Variants in SIPA1L3 observed in about 807,000 individuals in gnomAD.
SIPA1L3 encodes the protein signal induced proliferation associated 1 like 3.
SIPA1L3 carries 59 observed loss-of-function variants against 150.1 expected under a neutral mutation model. That is an observed-to-expected ratio of 0.39 (90% CI 0.32 to 0.49). The LOEUF is 0.49. SIPA1L3 is among the 20% of genes least tolerant of loss of function. The pLI, the probability that SIPA1L3 is intolerant of heterozygous loss-of-function variation, is 0.86. For missense variants in SIPA1L3, 2,211 were observed against 2,489.5 expected (o/e 0.89, Z 2.38); for synonymous variants, 1,070 against 1,077.6 (o/e 0.99, Z 0.14).
At chr19:37,927,655 G>GTA (rs1491577641) in intron 1 of SIPA1L3, among the ~76,000 whole-genome samples, 1 of 7,462 alleles carries the variant, frequency 1.3e-4, no homozygotes, top group African/African-American at 6.0e-4. Flanking sequence ...AGAACATGGG[G>GTA]TGTGTGTGTG....
At chr19:38,194,371 C>A (rs1972874355) in intron 18 of SIPA1L3, among the ~76,000 whole-genome samples, 1 of 149,642 alleles carries the variant, frequency 6.7e-6, no homozygotes, top group Admixed American at 6.7e-5. Flanking sequence ...ACCTCCTAAC[C>A]CCCCCACAAC....
chr19:38,141,132 C>T, intron 10 of SIPA1L3, 52 bp from the exon 11 acceptor site: 1 of 1,518,940 alleles, frequency 6.6e-7, no homozygotes, highest in Non-Finnish European at 8.8e-7. Flanking sequence ...GACAGCAGGC[C>T]CACGTGTTGG....
rs1487110458 is a variant in SIPA1L3, at chr19:38,119,589, G to A, written c.2575G>A (p.Ala859Thr). 6.2e-7 allele frequency: 1 copy of A among 1,614,228 alleles called. No homozygotes were observed. Among genetic ancestry groups the A allele is most frequent in the Admixed American group, 1.7e-5 (1 of 60,020 alleles). ...CTCCAAGAAGAAGGAAAAGACAAAA[G>A]CACGGGCTGGCGCTGAGCAGCACAG... ...LTSKKKEKTK[A>T]RAGAEQHSAG... The change falls in exon 9 of 22, where the codon GCA becomes ACA. Residue 859 changes from alanine (A) to threonine (T), a missense_variant. Around this residue, in one of 5 missense-constraint regions of SIPA1L3, gnomAD observed 625 missense variants for 804.2 expected, o/e 0.78. Coordinates refer to ENST00000222345, the MANE Select transcript of SIPA1L3 (RefSeq NM_015073.3).
intron 1 of SIPA1L3, among the ~76,000 whole-genome samples, chr19:37,983,028 C>T (rs1967240180): frequency 6.6e-6 from 1 of 152,182 alleles, no homozygotes; most frequent in African/African-American, 2.4e-5. Flanking sequence ...GTTGAAATTG[C>T]CTTTTCATTT....
chr19:38,151,948 C>G lies in SIPA1L3; in HGVS notation c.3534-892C>G, dbSNP rs865973558. Among the ~76,000 whole-genome samples the G allele has an allele frequency of 1.8e-4, 19 of 103,474 alleles. No homozygotes were observed. The Admixed American group carries it at 2.5e-3, about 14-fold the overall frequency. 67.9% of individuals were successfully genotyped at this position (103,474 alleles called of 152,430 possible). ...CTGCACTCCAGCCTGGTTGACAGAG[C>G]AAGACCCCATCTCAAAAAAAAAAAA... On this transcript the variant is annotated intron_variant, in intron 12 of 21. Coordinates refer to ENST00000222345, the MANE Select transcript of SIPA1L3 (RefSeq NM_015073.3).
At chr19:38,096,017 A>G (rs1005298461) in intron 4 of SIPA1L3, among the ~76,000 whole-genome samples, 2 of 152,006 alleles carry the variant, frequency 1.3e-5, no homozygotes, top group Non-Finnish European at 2.9e-5. Context: ...GCTTTTCATG[A>G]TTGGTTTTGA....
chr19:38,099,307 G>T lies in SIPA1L3; in HGVS notation c.1666-655G>T, dbSNP rs1448328094. On this transcript the variant is annotated intron_variant, in intron 4 of 21. Coordinates refer to ENST00000222345, the MANE Select transcript of SIPA1L3 (RefSeq NM_015073.3). ...CACCTTGGCCTCCCCAAAGTGCTGGGGTTACAGGTGTGAGCCACCCACGCC... is the reference window on the plus strand; with the variant it reads ...CACCTTGGCCTCCCCAAAGTGCTGGTGTTACAGGTGTGAGCCACCCACGCC... 9.3e-5 allele frequency among the ~76,000 whole-genome samples: 14 copies of T among 151,214 alleles called. 1 individual carries two copies. Among genetic ancestry groups the T allele is most frequent in the Non-Finnish European group, 1.9e-4 (13 of 67,970 alleles).
chr19:38,110,837 C>T (rs2145877136), intron 8 of SIPA1L3, among the ~76,000 whole-genome samples: 1 of 152,112 alleles, frequency 6.6e-6, no homozygotes, highest in African/African-American at 2.4e-5. Flanking sequence ...AGAATTGGGG[C>T]TCACTGGCCC....
At chr19:38,197,346 C>A (rs950549697) in intron 18 of SIPA1L3, among the ~76,000 whole-genome samples, 1 of 152,118 alleles carries the variant, frequency 6.6e-6, no homozygotes, top group African/African-American at 2.4e-5. Context: ...GGCCAGAGCC[C>A]GAGCCTGGTG....
At position 38,092,573 on chromosome 19, in the gene SIPA1L3, A is replaced by G. The variant is rs181371106; in HGVS notation, c.1665+3722A>G. Among the ~76,000 whole-genome samples, 123 of 152,298 alleles carry G rather than the reference A, an allele frequency of 8.1e-4. 3 individuals are homozygous for G. The East Asian group carries it at 0.018, about 22-fold the overall frequency. On this transcript the variant is annotated intron_variant, in intron 4 of 21. Transcript: ENST00000222345. The stretch of plus-strand genomic sequence containing the variant: ...AACTAGCCGTGGGGGACTCTGATCC[A>G]TCCCTGATGACAGCACGGGGACTCT...
At chr19:38,152,811 C>A in intron 12 of SIPA1L3, 29 bp from the exon 13 acceptor site, 1 of 1,593,714 alleles carries the variant, frequency 6.3e-7, no homozygotes, top group Non-Finnish European at 8.6e-7. Flanking sequence ...GATCTTTAAC[C>A]CTGGGCACGT....
intron 1 of SIPA1L3, among the ~76,000 whole-genome samples, chr19:37,961,151 G>A (rs2046855092): frequency 6.6e-6 from 1 of 150,536 alleles, no homozygotes; most frequent in South Asian, 2.1e-4. Flanking sequence ...TTACAGGTGT[G>A]AGCCACCGTG....
chr19:38,185,903 G>A (rs1192998618), intron 16 of SIPA1L3: 1 of 152,146 alleles, frequency 6.6e-6, no homozygotes, highest in Non-Finnish European at 1.5e-5. Context: ...TGGGGCCCCA[G>A]TTCAACCCAT....
intron 2 of SIPA1L3, among the ~76,000 whole-genome samples, chr19:38,048,440 C>A (rs1969110345): frequency 6.6e-6 from 1 of 152,122 alleles, no homozygotes; most frequent in Non-Finnish European, 1.5e-5. Context: ...AGAGAACACA[C>A]CCCACTGATG....
At chr19:37,960,672 G>T (rs1416651913) in intron 1 of SIPA1L3, among the ~76,000 whole-genome samples, 2 of 151,726 alleles carry the variant, frequency 1.3e-5, no homozygotes, top group Non-Finnish European at 2.9e-5. Context: ...CTCCCAAAGT[G>T]CTGGGATTAC....
chr19:38,113,764 C>G (rs1040913832), intron 8 of SIPA1L3, among the ~76,000 whole-genome samples: 2 of 152,140 alleles, frequency 1.3e-5, no homozygotes, highest in African/African-American at 2.4e-5. Context: ...TGGAAAGACA[C>G]CTGGCCCAAA....
chr19:38,156,702 G>A (rs1300699703), intron 13 of SIPA1L3, among the ~76,000 whole-genome samples: 1 of 151,926 alleles, frequency 6.6e-6, no homozygotes. Context: ...GCATGCACCT[G>A]TAATCCCAGC....
chr19:38,166,565 A>G (rs996050229), intron 15 of SIPA1L3, among the ~76,000 whole-genome samples: 2 of 152,178 alleles, frequency 1.3e-5, no homozygotes, highest in Non-Finnish European at 2.9e-5. Context: ...CACCTTCCAG[A>G]AAAGGGCACA....
Position 38,198,520 on chromosome 19 carries a change from A to G in SIPA1L3, c.4972A>G (p.Lys1658Glu). The G allele has an allele frequency of 6.4e-7, 1 of 1,564,658 alleles. No individual in the cohort carries two copies. Among genetic ancestry groups the G allele is most frequent in the East Asian group, 2.4e-5 (1 of 40,834 alleles). ...LEWSSLVNAA[K>E]AYEVQRAVSL... ...GTGGTCCAGCCTGGTGAACGCAGCC[A>G]AGGCATACGAAGGTAGGCGCCTTCC... The change falls in exon 19 of 22, where the codon AAG becomes GAG. Residue 1658 changes from lysine (K) to glutamate (E), a missense_variant. By Grantham distance (56) the Lys-to-Glu change is moderately conservative. Coordinates refer to ENST00000222345, the MANE Select transcript of SIPA1L3 (RefSeq NM_015073.3).
Sources: gnomAD v4.1 joint callset for allele counts (sites outside exome capture counted in the v4.1 genomes callset) on GRCh38, gnomAD v4.1.1 for gene constraint, gnomAD v4.1.1 regional missense constraint, MANE v1.5 for transcripts, NCBI Gene and HGNC (gene_info 2026-07-23, HGNC 2026-07-21) for gene names.